Variants in CSGALNACT1 observed in about 807,000 individuals in gnomAD.
The protein encoded by CSGALNACT1 is beta4GalNAcT-1.
Under a neutral mutation model 51.0 loss-of-function variants are expected in CSGALNACT1, and 52 were observed. That is an observed-to-expected ratio of 1.02 (90% CI 0.82 to 1.29). CSGALNACT1 has a LOEUF of 1.29. CSGALNACT1 is among the 50% of genes most tolerant of loss of function. The pLI is 0.00. For missense variants in CSGALNACT1, 935 were observed against 679.2 expected (o/e 1.38, Z -4.19); for synonymous variants, 341 against 254.4 (o/e 1.34, Z -3.24).
intron 3 of CSGALNACT1, among the ~76,000 whole-genome samples, chr8:19,566,499 G>A (rs1023561702): frequency 6.6e-5 from 10 of 152,216 alleles, no homozygotes; most frequent in South Asian, 2.1e-4. Flanking sequence ...AAACCAACAC[G>A]CACACTTAAT....
intron 1 of CSGALNACT1, among the ~76,000 whole-genome samples, chr8:19,656,220 T>C (rs932380007): frequency 9.9e-5 from 15 of 152,198 alleles, no homozygotes; most frequent in African/African-American, 3.1e-4. Flanking sequence ...ACAAGCAGCA[T>C]GGCTGTCTCT....
intron 3 of CSGALNACT1, among the ~76,000 whole-genome samples, chr8:19,514,658 C>CAAA (rs551285523): frequency 6.4e-4 from 87 of 135,624 alleles, no homozygotes; most frequent in Middle Eastern, 3.8e-3. Flanking sequence ...CCGTCTCTAC[C>CAAA]AAAAAAAAAA....
chr8:19,482,203 T>G (rs2071594141), intron 4 of CSGALNACT1, among the ~76,000 whole-genome samples: 1 of 152,202 alleles, frequency 6.6e-6, no homozygotes, highest in Non-Finnish European at 1.5e-5. Flanking sequence ...ATGGACATGT[T>G]CTTAATCCAT....
chr8:19,478,230 T>C (rs992367454), intron 4 of CSGALNACT1, among the ~76,000 whole-genome samples: 13 of 151,838 alleles, frequency 8.6e-5, no homozygotes, highest in African/African-American at 2.2e-4. Flanking sequence ...CTGGCTAACA[T>C]GGTGAAACCC....
rs573671086 is a variant in CSGALNACT1, at chr8:19,476,349, C to T, written c.635-17707G>A. Among the ~76,000 whole-genome samples the T allele has an allele frequency of 7.2e-5, 11 of 152,268 alleles. No individual in the cohort carries two copies. In the East Asian group the frequency reaches 2.1e-3, roughly 29 times the overall value. On this transcript the variant is annotated intron_variant, in intron 4 of 9. Transcript: ENST00000454498. ...TGCCTTCCGAGTTCAAGCGATTCTC[C>T]TGCCTCAGCCTCCCCCAAGTAGCTG...
intron 6 of CSGALNACT1, among the ~76,000 whole-genome samples, chr8:19,438,220 C>A (rs187274137): frequency 6.6e-6 from 1 of 152,154 alleles, no homozygotes; most frequent in East Asian, 1.9e-4. Context: ...GCTGGCTGCA[C>A]TTAAGGGAGC....
At chr8:19,633,605 C>T (rs976913707) in intron 1 of CSGALNACT1, among the ~76,000 whole-genome samples, 2 of 152,162 alleles carry the variant, frequency 1.3e-5, no homozygotes, top group African/African-American at 2.4e-5. Flanking sequence ...GGAATCCCAC[C>T]GTTGGAAGCT....
chr8:19,744,785 T>C (rs763280356), intron 1 of CSGALNACT1, among the ~76,000 whole-genome samples: 1 of 152,238 alleles, frequency 6.6e-6, no homozygotes, highest in Non-Finnish European at 1.5e-5. Flanking sequence ...ACTCACCATG[T>C]TGACTATTAA....
At chr8:19,468,120 G>T (rs140995713) in intron 4 of CSGALNACT1, among the ~76,000 whole-genome samples, 1 of 152,258 alleles carries the variant, frequency 6.6e-6, no homozygotes, top group African/African-American at 2.4e-5. Flanking sequence ...TGGTATAAGG[G>T]AACAAAAAGG....
intron 5 of CSGALNACT1, among the ~76,000 whole-genome samples, chr8:19,449,710 C>T (rs949010547): frequency 6.6e-6 from 1 of 151,950 alleles, no homozygotes; most frequent in East Asian, 1.9e-4. Context: ...ACAAAAATTA[C>T]CAGTCAAGTC....
intron 1 of CSGALNACT1, among the ~76,000 whole-genome samples, chr8:19,752,099 C>T (rs1040823293): frequency 1.1e-5 from 1 of 88,328 alleles, no homozygotes; most frequent in Admixed American, 1.1e-4. Flanking sequence ...AAATGATATA[C>T]ATTATTATAT....
chr8:19,500,261 A>C (rs1008395529), intron 4 of CSGALNACT1, among the ~76,000 whole-genome samples: 1 of 152,070 alleles, frequency 6.6e-6, no homozygotes, highest in Non-Finnish European at 1.5e-5. Flanking sequence ...CAGAGTTCCC[A>C]AGCCCAACTC....
chr8:19,415,480 A>G (rs893406321), intron 8 of CSGALNACT1, among the ~76,000 whole-genome samples: 4 of 152,204 alleles, frequency 2.6e-5, no homozygotes, highest in Non-Finnish European at 4.4e-5. Context: ...AGGCTGCAGG[A>G]TAATTCACAG....
chr8:19,539,704 C>T (rs114876427), intron 3 of CSGALNACT1, among the ~76,000 whole-genome samples: 3,420 of 152,232 alleles, frequency 0.022, 139 homozygotes, highest in African/African-American at 0.078. Context: ...TGTGACACAG[C>T]AATATTTATC....
chr8:19,550,447 C>G (rs1200895856), intron 3 of CSGALNACT1, among the ~76,000 whole-genome samples: 1 of 152,230 alleles, frequency 6.6e-6, no homozygotes, highest in Non-Finnish European at 1.5e-5. Context: ...TCATGCTTCT[C>G]ATTTCCAAGC....
At chr8:19,666,973 AAG>A (rs1491423021) in intron 1 of CSGALNACT1, among the ~76,000 whole-genome samples, 1 of 9,074 alleles carries the variant, frequency 1.1e-4, no homozygotes, top group African/African-American at 8.4e-4. Context: ...GAAAGAAAGA[AAG>A]AAAGAAAGAA....
At chr8:19,747,660 C>T (rs1489650062) in intron 1 of CSGALNACT1, among the ~76,000 whole-genome samples, 1 of 152,144 alleles carries the variant, frequency 6.6e-6, no homozygotes, top group Admixed American at 6.5e-5. Context: ...AATTCACAGT[C>T]CACAAATTTC....
At chr8:19,706,920 C>G (rs982542628) in intron 1 of CSGALNACT1, among the ~76,000 whole-genome samples, 1 of 152,018 alleles carries the variant, frequency 6.6e-6, no homozygotes, top group Admixed American at 6.6e-5. Flanking sequence ...AGCAACTACA[C>G]CTCTTTGGCC....
At chr8:19,665,297 A>G (rs1361970404) in intron 1 of CSGALNACT1, among the ~76,000 whole-genome samples, 7 of 152,236 alleles carry the variant, frequency 4.6e-5, no homozygotes, top group African/African-American at 1.7e-4. Context: ...CAGGGATTAA[A>G]AAGACAAACT....
Sources: allele counts gnomAD v4.1 joint callset (sites outside exome capture counted in the v4.1 genomes callset), GRCh38; gene constraint gnomAD v4.1.1; transcripts MANE v1.5; gene names NCBI Gene and HGNC (gene_info 2026-07-23, HGNC 2026-07-21).